DNAH14: variants seen among roughly 807,000 people sequenced by gnomAD.
DNAH14 encodes dynein axonemal heavy chain 14, also known as axonemal beta dynein heavy chain 14.
Under a neutral mutation model 520.9 loss-of-function variants are expected in DNAH14, and 478 were observed. That is an observed-to-expected ratio of 0.92 (90% CI 0.85 to 0.99). The LOEUF (loss-of-function observed/expected upper bound fraction) is 0.99. DNAH14 is among the 50% of genes least tolerant of loss of function. The pLI is 0.00. For missense variants in DNAH14, 4,831 were observed against 5,234.5 expected (o/e 0.92, Z 2.38); for synonymous variants, 1,581 against 1,757.2 (o/e 0.90, Z 2.51).
chr1:225,252,354 G>A lies in DNAH14; in HGVS notation c.6802G>A (p.Glu2268Lys). ...CATCTTTGGATATTTTGTGGATATA[G>A]AGCAATGTGAATTCATACCTTGGTC... ...CSIFGYFVDIEQCEFIPWSDL... is the reference protein window; with the variant it reads ...CSIFGYFVDIKQCEFIPWSDL... The change falls in exon 44 of 86, where the codon GAG becomes AAG. Residue 2268 changes from glutamate to lysine, a missense_variant. Glu to Lys is a moderately conservative substitution (Grantham distance 56). Transcript: ENST00000682510. The A allele has an allele frequency of 6.5e-7, 1 of 1,550,048 alleles. No homozygotes were observed. Among genetic ancestry groups the A allele is most frequent in the Non-Finnish European group, 8.7e-7 (1 of 1,146,082 alleles).
intron 25 of DNAH14, chr1:225,118,326 T>C: frequency 3.0e-6 from 1 of 330,750 alleles, no homozygotes; most frequent in Middle Eastern, 9.9e-4. Context: ...TATATGAATA[T>C]AGATAAGAAG....
At chr1:225,332,727 G>T (rs998184139) in intron 65 of DNAH14, among the ~76,000 whole-genome samples, 1 of 151,590 alleles carries the variant, frequency 6.6e-6, no homozygotes, top group Non-Finnish European at 1.5e-5. Context: ...GGGCATGGTG[G>T]CTCATGTCTG....
At chr1:225,347,909 T>A (rs2095310891) in intron 71 of DNAH14, among the ~76,000 whole-genome samples, 3 of 152,118 alleles carry the variant, frequency 2.0e-5, no homozygotes, top group Admixed American at 2.0e-4. Flanking sequence ...ACAAGGAATT[T>A]TAAATAACTG....
intron 58 of DNAH14, 88 bp downstream of exon 58, chr1:225,305,177 A>T: frequency 7.1e-7 from 1 of 1,412,306 alleles, no homozygotes; most frequent in Non-Finnish European, 9.4e-7. Context: ...GGTGAGCCAA[A>T]TCTGCCTTTT....
At chr1:224,998,449 C>T (rs7512505) in intron 8 of DNAH14, among the ~76,000 whole-genome samples, 8,781 of 152,200 alleles carry the variant, frequency 0.058, 347 homozygotes, top group Non-Finnish European at 0.078. Flanking sequence ...CTGTATACCA[C>T]ATATTTTGAT....
chr1:225,148,087 A>G (rs1469415299), intron 31 of DNAH14, among the ~76,000 whole-genome samples: 10 of 152,174 alleles, frequency 6.6e-5, no homozygotes, highest in East Asian at 5.8e-4. Context: ...TAATGCTGCA[A>G]TGAACATACC....
chr1:225,106,924 G>T (rs1387223787), intron 23 of DNAH14, among the ~76,000 whole-genome samples: 2 of 152,166 alleles, frequency 1.3e-5, no homozygotes, highest in Non-Finnish European at 2.9e-5. Flanking sequence ...TGCTGGTGAG[G>T]AGCTGCGTTT....
chr1:225,031,470 C>T (rs895411765), intron 11 of DNAH14, among the ~76,000 whole-genome samples: 2 of 139,570 alleles, frequency 1.4e-5, no homozygotes, highest in African/African-American at 2.5e-5. Flanking sequence ...GTCCACAAAA[C>T]GTAAAATATT....
intron 21 of DNAH14, among the ~76,000 whole-genome samples, chr1:225,091,855 T>C (rs760996272): frequency 1.3e-5 from 2 of 151,680 alleles, no homozygotes; most frequent in Non-Finnish European, 2.9e-5. Flanking sequence ...CATCATAGGG[T>C]CAAAGAAAAG....
At chr1:225,246,648 T>C (rs768355111) in intron 43 of DNAH14, among the ~76,000 whole-genome samples, 4 of 152,186 alleles carry the variant, frequency 2.6e-5, no homozygotes, top group Non-Finnish European at 5.9e-5. Context: ...TCACTGGTCA[T>C]TAGAGGAATA....
chr1:225,204,209 AAC>A lies in DNAH14; in HGVS notation c.5915_5916del (p.Thr1972ArgfsTer3), dbSNP rs1369565900. On this transcript the variant is annotated frameshift_variant, in exon 39 of 86. Transcript: ENST00000682510. LOFTEE classifies it high-confidence loss of function. ...TTTTCAAACTTGATTCCTCTGATAC[AAC>A]AGAGACTGATGATAATATTTTTGAG... Reference protein sequence around the residue: ...NVFKLDSSDTTETDDNIFEEI... With the variant: ...NVFKLDSSDTXETDDNIFEEI... 6.7e-7 allele frequency: 1 copy of A among 1,487,866 alleles called. No individual in the cohort carries two copies. Among genetic ancestry groups the A allele is most frequent in the Non-Finnish European group, 8.9e-7 (1 of 1,126,568 alleles). The allele number at this position is 1,487,866 out of a possible 1,614,324, so 92.2% of individuals were successfully genotyped here.
At position 225,075,989 on chromosome 1, in the gene DNAH14, C is replaced by CTGCGGCCTGGGT. The variant is rs149795572; in HGVS notation, c.2425-3218_2425-3217insTGCGGCCTGGGT. On this transcript the variant is annotated intron_variant, in intron 17 of 85. Transcript: ENST00000682510. ...TGCTACAGCACTTAGGCTGGCTGGT[C>CTGCGGCCTGGGT]CAGCCTAGGGCCTGGATCCACTTGG... 2.6e-5 allele frequency among the ~76,000 whole-genome samples: 4 copies of CTGCGGCCTGGGT among 152,196 alleles called. No individual in the cohort carries two copies. In the South Asian group the frequency reaches 8.3e-4, roughly 32 times the overall value.
intron 3 of DNAH14, among the ~76,000 whole-genome samples, chr1:224,959,067 C>CAG (rs1364386733): frequency 2.6e-5 from 4 of 151,946 alleles, no homozygotes; most frequent in African/African-American, 9.7e-5. Context: ...AGCCTCTAAC[C>CAG]AGAGGGTTGC....
intron 17 of DNAH14, among the ~76,000 whole-genome samples, chr1:225,058,044 T>C (rs1282210937): frequency 6.6e-6 from 1 of 152,182 alleles, no homozygotes; most frequent in African/African-American, 2.4e-5. Flanking sequence ...GCTGGCCTCA[T>C]AAAATGAGTT....
Position 225,192,037 on chromosome 1 carries a change from A to T in DNAH14, c.5671-659A>T, listed in dbSNP as rs898270691. On this transcript the variant is annotated intron_variant, in intron 37 of 85. Coordinates refer to ENST00000682510, the MANE Select transcript of DNAH14 (RefSeq NM_001367479.1). ...TCTGAGTCTAGTGATCAAGCTTAAG[A>T]TGAAAGTTTCAATTCATCTCAGGTC... Among the ~76,000 whole-genome samples, 69 of 152,184 alleles carry T rather than the reference A, an allele frequency of 4.5e-4. 1 individual carries two copies. Among genetic ancestry groups the T allele is most frequent in the Non-Finnish European group, 1.5e-4 (10 of 68,000 alleles).
At chr1:225,016,244 C>G (rs1430742099) in intron 10 of DNAH14, among the ~76,000 whole-genome samples, 1 of 152,096 alleles carries the variant, frequency 6.6e-6, no homozygotes, top group Non-Finnish European at 1.5e-5. Flanking sequence ...TTAACTTTTC[C>G]TCCTCAGAAT....
chr1:225,381,499 AAAGGAGAG>A lies in DNAH14; in HGVS notation c.12999_13006del (p.Lys4333AsnfsTer12), dbSNP rs781436155. ...CTTAAAAGATCTTCAGCTTGCTATA[AAAGGAGAG>A]ATCATCCTCACCCAAGAATTGGAGG... On this transcript the variant is annotated frameshift_variant, in exon 81 of 86. Transcript: ENST00000682510. LOFTEE classifies it high-confidence loss of function. The A allele has an allele frequency of 4.5e-6, 7 of 1,550,070 alleles. No individual in the cohort carries two copies. In the South Asian group the frequency reaches 8.4e-5, roughly 19 times the overall value.
At chr1:225,040,364 G>A (rs1157576878) in intron 12 of DNAH14, among the ~76,000 whole-genome samples, 2 of 152,152 alleles carry the variant, frequency 1.3e-5, no homozygotes, top group Non-Finnish European at 1.5e-5. Context: ...TATATGCATC[G>A]AAATATTAAC....
chr1:225,014,204 G>A (rs564288749), intron 10 of DNAH14, among the ~76,000 whole-genome samples: 2 of 152,248 alleles, frequency 1.3e-5, no homozygotes, highest in South Asian at 4.1e-4. Context: ...TTTGGCTAGC[G>A]GAGGGAGTTC....
Sources: allele counts gnomAD v4.1 joint callset (sites outside exome capture counted in the v4.1 genomes callset), GRCh38; gene constraint gnomAD v4.1.1; transcripts MANE v1.5; gene names NCBI Gene and HGNC (gene_info 2026-07-23, HGNC 2026-07-21).